SLC44A1: variants seen among roughly 807,000 people sequenced by gnomAD.
SLC44A1 encodes the protein solute carrier family 44 member 1, also known as choline transporter-like protein 1.
Under a neutral mutation model 79.3 loss-of-function variants are expected in SLC44A1, and 26 were observed. That is an observed-to-expected ratio of 0.33 (90% CI 0.24 to 0.46). The LOEUF is 0.46. Among genes scored for constraint, SLC44A1 ranks in the 20% least tolerant of loss-of-function variants. The pLI is 1.00. For missense variants in SLC44A1, 688 were observed against 798.1 expected (o/e 0.86, Z 1.66); for synonymous variants, 263 against 286.2 (o/e 0.92, Z 0.82).
chr9:105,288,176 A>G (rs977438238), intron 1 of SLC44A1, among the ~76,000 whole-genome samples: 1 of 152,156 alleles, frequency 6.6e-6, no homozygotes, highest in Admixed American at 6.5e-5. Context: ...TTCTAACACA[A>G]CTGTTTATTA....
chr9:105,418,314 CAAAAAAAAAAA>C (rs10617928), intron 15 of SLC44A1, among the ~76,000 whole-genome samples: 2 of 57,946 alleles, frequency 3.5e-5, no homozygotes, highest in Non-Finnish European at 8.0e-5. Context: ...AACTCCGTCT[CAAAAAAAAAAA>C]AAAAAAAAAA....
chr9:105,374,846 G>A (rs548403979), intron 13 of SLC44A1, 111 bp downstream of exon 13: 17 of 768,576 alleles, frequency 2.2e-5, no homozygotes, highest in African/African-American at 1.7e-4. Context: ...AATATATAGC[G>A]AGTACTTAGA....
intron 3 of SLC44A1, among the ~76,000 whole-genome samples, chr9:105,320,117 G>A (rs887428264): frequency 6.6e-6 from 1 of 151,956 alleles, no homozygotes; most frequent in South Asian, 2.1e-4. Context: ...ATATTATGTA[G>A]TATTTTGTGT....
chr9:105,390,865 A>G lies in SLC44A1; in HGVS notation c.*1809A>G, dbSNP rs1370738371. On this transcript the variant is annotated 3_prime_UTR_variant, in exon 16 of 16. Coordinates refer to ENST00000374720, the MANE Select transcript of SLC44A1 (RefSeq NM_080546.5). ...TTGCGAGAGTAGCTATTTTGAAAGA[A>G]TAATTCTCCAGAAGTTAACATCTAA... 2.0e-6 allele frequency: 2 copies of G among 985,582 alleles called. No individual in the cohort carries two copies. Among genetic ancestry groups the G allele is most frequent in the African/African-American group, 1.7e-5 (1 of 57,228 alleles). The allele number at this position is 985,582 out of a possible 1,614,324, so 61.1% of individuals were successfully genotyped here. A position where few individuals can be genotyped will look rare whatever the true frequency, so the allele number is the denominator to read the frequency against.
At chr9:105,427,179 C>T (rs1051829060) in intron 15 of SLC44A1, among the ~76,000 whole-genome samples, 11 of 152,168 alleles carry the variant, frequency 7.2e-5, no homozygotes, top group African/African-American at 1.9e-4. Context: ...GCGATCTACT[C>T]GCCTTGGCCT....
intron 13 of SLC44A1, among the ~76,000 whole-genome samples, chr9:105,381,269 G>A (rs1828455000): frequency 6.6e-6 from 1 of 152,054 alleles, no homozygotes; most frequent in South Asian, 2.1e-4. Flanking sequence ...ACCAGGCGCG[G>A]TGGCTCACAC....
intron 15 of SLC44A1, among the ~76,000 whole-genome samples, chr9:105,427,012 T>C (rs936525060): frequency 5.3e-5 from 8 of 151,728 alleles, no homozygotes; most frequent in African/African-American, 1.9e-4. Context: ...CATGGCTCCC[T>C]CCAACCTCCG....
chr9:105,260,688 A>C (rs2131211309), intron 1 of SLC44A1, among the ~76,000 whole-genome samples: 2 of 152,356 alleles, frequency 1.3e-5, no homozygotes, highest in East Asian at 3.9e-4. Flanking sequence ...AATGATTGAC[A>C]AAAGAATCCT....
intron 15 of SLC44A1, among the ~76,000 whole-genome samples, chr9:105,409,169 C>T (rs1829065487): frequency 6.6e-6 from 1 of 152,154 alleles, no homozygotes; most frequent in Non-Finnish European, 1.5e-5. Flanking sequence ...AAAACAGACT[C>T]CAACTATATA....
intron 9 of SLC44A1, among the ~76,000 whole-genome samples, chr9:105,364,071 A>G (rs1827866181): frequency 6.6e-6 from 1 of 152,222 alleles, no homozygotes; most frequent in Non-Finnish European, 1.5e-5. Context: ...TTACAGCCGT[A>G]CTGAGTATCA....
intron 15 of SLC44A1, among the ~76,000 whole-genome samples, chr9:105,436,971 C>T (rs2131530470): frequency 6.6e-6 from 1 of 152,224 alleles, no homozygotes; most frequent in South Asian, 2.1e-4. Flanking sequence ...CTATTTCATA[C>T]CCCCTTCTTC....
chr9:105,339,579 C>T (rs979221505), intron 4 of SLC44A1, among the ~76,000 whole-genome samples: 2 of 152,104 alleles, frequency 1.3e-5, no homozygotes, highest in African/African-American at 4.8e-5. Flanking sequence ...CCTGTAGTCC[C>T]AGAACTTTGG....
Position 105,256,741 on chromosome 9 carries a change from T to TTTTTATTTTATTTTATTTTATTTTA in SLC44A1, c.36+11870_36+11894dup, listed in dbSNP as rs59529626. On this transcript the variant is annotated intron_variant, in intron 1 of 15. Transcript: ENST00000374720. ...CCACGCCCAGCTAATTTTTGTATTA[T>TTTTTATTTTATTTTATTTTATTTTA]TTTTATTTTATTTTATTTTATTTTA... 1.4e-3 allele frequency among the ~76,000 whole-genome samples: 185 copies of TTTTTATTTTATTTTATTTTATTTTA among 130,910 alleles called. 2 individuals carry two copies. The highest frequency in any genetic ancestry group is 4.4e-3 in the South Asian group (17 of 3,862). The allele number at this position is 130,910 out of a possible 152,430, so 85.9% of individuals were successfully genotyped here.
chr9:105,244,912 GCTCCCGC>G lies in SLC44A1; in HGVS notation c.36+15_36+21del. ...GCCTCCTCCGCCGCGCAGGTGAGGG[GCTCCCGC>G]CTCCCGGCCGCCCGCCCGGATGCCT... On this transcript the variant is annotated intron_variant, in intron 1 of 15. Transcript: ENST00000374720. 8.5e-7 allele frequency: 1 copy of G among 1,180,668 alleles called. No homozygotes were observed. The highest frequency in any genetic ancestry group is 1.0e-6 in the Non-Finnish European group (1 of 955,754). The allele number at this position is 1,180,668 out of a possible 1,614,324, so 73.1% of individuals were successfully genotyped here. A position where few individuals can be genotyped will look rare whatever the true frequency, so the allele number is the denominator to read the frequency against.
intron 1 of SLC44A1, among the ~76,000 whole-genome samples, chr9:105,287,338 G>A (rs574993272): frequency 8.5e-5 from 13 of 152,246 alleles, no homozygotes; most frequent in Non-Finnish European, 1.6e-4. Context: ...TTTTCTCATT[G>A]TATTGTCATT....
intron 1 of SLC44A1, among the ~76,000 whole-genome samples, chr9:105,248,607 G>C (rs1044212751): frequency 6.6e-6 from 1 of 152,090 alleles, no homozygotes; most frequent in Non-Finnish European, 1.5e-5. Context: ...ACTAATATTG[G>C]TAATTGCTCA....
rs553729206 is a variant in SLC44A1 at position 105,397,286 on chromosome 9, A to T, written c.*8230A>T. On this transcript the variant is annotated 3_prime_UTR_variant, in exon 16 of 16. Transcript: ENST00000374720. ...TTGCCAGAATTATAATGAAAACTGT[A>T]TTTTAGTCTAACAAATGTATAGAAT... 1 of 982,326 alleles carries T rather than the reference A, an allele frequency of 1.0e-6. No individual in the cohort carries two copies. Among genetic ancestry groups the T allele is most frequent in the East Asian group, 1.1e-4 (1 of 8,818 alleles). 60.9% of individuals were successfully genotyped at this position (982,326 alleles called of 1,614,324 possible).
intron 15 of SLC44A1, among the ~76,000 whole-genome samples, chr9:105,403,960 A>T (rs1369406898): frequency 6.6e-6 from 1 of 151,860 alleles, no homozygotes; most frequent in Non-Finnish European, 1.5e-5. Context: ...TAACCAAAGG[A>T]ATGTTTGGAG....
intron 1 of SLC44A1, among the ~76,000 whole-genome samples, chr9:105,296,791 A>T (rs1334214757): frequency 1.3e-5 from 2 of 152,224 alleles, no homozygotes; most frequent in African/African-American, 2.4e-5. Context: ...CAATACAGGC[A>T]TTCTTATATG....
Sources: allele counts gnomAD v4.1 joint callset (sites outside exome capture counted in the v4.1 genomes callset), GRCh38; gene constraint gnomAD v4.1.1; transcripts MANE v1.5; gene names NCBI Gene and HGNC (gene_info 2026-07-23, HGNC 2026-07-21).